The following TMEFF2 variants were observed in gnomAD, a reference collection of about 807,000 sequenced individuals.
The protein encoded by TMEFF2 is transmembrane protein with EGF like and two follistatin like domains 2.
Under a neutral mutation model 53.8 loss-of-function variants are expected in TMEFF2, and 28 were observed. The ratio of observed to expected loss-of-function variants is 0.52; its 90% CI spans 0.39 to 0.71. The LOEUF (loss-of-function observed/expected upper bound fraction) is 0.71. Ranked by LOEUF, TMEFF2 falls within the 30% of genes least tolerant of loss-of-function variation. The pLI, the probability that TMEFF2 is intolerant of heterozygous loss-of-function variation, is 0.00. For missense variants in TMEFF2, 353 were observed against 455.2 expected (o/e 0.78, Z 2.04); for synonymous variants, 162 against 166.3 (o/e 0.97, Z 0.20).
rs748408514 is a variant in TMEFF2 at position 192,194,313 on chromosome 2, TG to T, written c.172+39del. On this transcript the variant is annotated intron_variant, in intron 1 of 9. Coordinates refer to ENST00000272771, the MANE Select transcript of TMEFF2 (RefSeq NM_016192.4). This position sits in a 1 kb window ranked among gnomAD's most constrained non-coding sequence, Gnocchi z 4.2. ...TCTGTGCTGGATACGCGTGTTCTTC[TG>T]CGGAGTTAAAGGGTCGGGGACGGGG... 1 of 1,608,762 alleles carries T rather than the reference TG, an allele frequency of 6.2e-7. No individual in the cohort carries two copies. The highest frequency in any genetic ancestry group is 8.5e-7 in the Non-Finnish European group (1 of 1,176,450).
intron 4 of TMEFF2, among the ~76,000 whole-genome samples, chr2:192,096,630 T>C (rs576495361): frequency 1.6e-4 from 24 of 146,370 alleles, no homozygotes; most frequent in Non-Finnish European, 3.3e-4. Context: ...TATTTCTTTT[T>C]TTCTTTTCTT....
intron 4 of TMEFF2, among the ~76,000 whole-genome samples, chr2:192,084,326 A>G (rs1293759724): frequency 6.6e-6 from 1 of 152,214 alleles, no homozygotes; most frequent in Non-Finnish European, 1.5e-5. Context: ...TCTGTTCCAC[A>G]GCAAAATTAT....
chr2:192,133,672 T>C (rs905204578), intron 4 of TMEFF2, among the ~76,000 whole-genome samples: 6 of 152,222 alleles, frequency 3.9e-5, no homozygotes, highest in African/African-American at 1.4e-4. Context: ...TCAAACGTGC[T>C]TTCTTTACTA....
intron 5 of TMEFF2, among the ~76,000 whole-genome samples, chr2:192,026,975 A>C (rs1686984874): frequency 6.6e-6 from 1 of 152,236 alleles, no homozygotes; most frequent in Admixed American, 6.5e-5. Context: ...TAAAAATATA[A>C]ATGCCAATGG....
At chr2:192,073,034 G>T (rs1336932824) in intron 4 of TMEFF2, among the ~76,000 whole-genome samples, 2 of 151,904 alleles carry the variant, frequency 1.3e-5, no homozygotes, top group African/African-American at 4.8e-5. Flanking sequence ...CAAAGAGAAA[G>T]GTTGTTAACC....
At chr2:192,040,269 G>A (rs931385589) in intron 5 of TMEFF2, among the ~76,000 whole-genome samples, 2 of 151,920 alleles carry the variant, frequency 1.3e-5, no homozygotes, top group Non-Finnish European at 2.9e-5. Context: ...CTTAGCCTTG[G>A]TTTTCCTTTA....
At chr2:192,059,701 G>A (rs1033068432) in intron 4 of TMEFF2, among the ~76,000 whole-genome samples, 1 of 152,076 alleles carries the variant, frequency 6.6e-6, no homozygotes, top group Non-Finnish European at 1.5e-5. Flanking sequence ...ATCTCAGCAG[G>A]ACTAATAATA....
Position 192,052,478 on chromosome 2 carries a change from T to C in TMEFF2, c.536+5201A>G, listed in dbSNP as rs1016647037. On this transcript the variant is annotated intron_variant, in intron 5 of 9. Coordinates refer to ENST00000272771, the MANE Select transcript of TMEFF2 (RefSeq NM_016192.4). ...CTGACCTACTTTGGACTTACTGAGA[T>C]AATTTATCAGGTAAGATAATTAAGG... is the stretch of plus-strand genomic sequence containing the variant. 4.6e-5 allele frequency among the ~76,000 whole-genome samples: 7 copies of C among 152,242 alleles called. No individual in the cohort carries two copies. The East Asian group carries it at 1.3e-3, about 29-fold the overall frequency.
At chr2:192,068,561 C>T (rs1175553561) in intron 4 of TMEFF2, among the ~76,000 whole-genome samples, 3 of 151,726 alleles carry the variant, frequency 2.0e-5, no homozygotes, top group Non-Finnish European at 2.9e-5. Context: ...AGAAATTGCC[C>T]GGAGCTCCAG....
intron 5 of TMEFF2, among the ~76,000 whole-genome samples, chr2:192,052,358 C>T (rs1687792674): frequency 6.6e-6 from 1 of 152,164 alleles, no homozygotes; most frequent in South Asian, 2.1e-4. Context: ...CAAGTATCAA[C>T]CCCCGGGCTC....
At chr2:192,106,933 T>C (rs1310109855) in intron 4 of TMEFF2, among the ~76,000 whole-genome samples, 1 of 151,678 alleles carries the variant, frequency 6.6e-6, no homozygotes, top group Non-Finnish European at 1.5e-5. Flanking sequence ...GAAGAGTAAG[T>C]AGGACTTTTA....
At chr2:191,990,011 A>T (rs1243652680) in intron 7 of TMEFF2, among the ~76,000 whole-genome samples, 1 of 152,134 alleles carries the variant, frequency 6.6e-6, no homozygotes, top group Non-Finnish European at 1.5e-5. Context: ...TCAGAGGTGG[A>T]GTACTGTCCT....
At chr2:192,064,376 A>T (rs1325118260) in intron 4 of TMEFF2, among the ~76,000 whole-genome samples, 1 of 151,720 alleles carries the variant, frequency 6.6e-6, no homozygotes, top group African/African-American at 2.4e-5. Flanking sequence ...TGTCCTTTTA[A>T]AACATTATTT....
chr2:192,166,283 C>A (rs748574786), intron 4 of TMEFF2, among the ~76,000 whole-genome samples: 1 of 152,142 alleles, frequency 6.6e-6, no homozygotes, highest in Non-Finnish European at 1.5e-5. Context: ...ACAGAGAGGG[C>A]TCAGAAGAGA....
At chr2:192,001,203 C>A (rs1035871357) in intron 5 of TMEFF2, among the ~76,000 whole-genome samples, 1 of 152,104 alleles carries the variant, frequency 6.6e-6, no homozygotes, top group Non-Finnish European at 1.5e-5. Flanking sequence ...CCTTCAAGGT[C>A]TTCTATAAAG....
intron 7 of TMEFF2, among the ~76,000 whole-genome samples, chr2:191,972,548 G>A (rs1282009708): frequency 1.3e-5 from 2 of 151,840 alleles, no homozygotes; most frequent in African/African-American, 4.8e-5. Context: ...GGGACACAGA[G>A]GAAGCAGGGA....
chr2:192,131,460 A>T (rs1476211847), intron 4 of TMEFF2, among the ~76,000 whole-genome samples: 2 of 151,672 alleles, frequency 1.3e-5, no homozygotes, highest in Non-Finnish European at 2.9e-5. Flanking sequence ...CTTCACCCTT[A>T]GTGGCAAGTC....
intron 4 of TMEFF2, among the ~76,000 whole-genome samples, chr2:192,111,841 TA>T (rs1689284881): frequency 6.6e-6 from 1 of 152,168 alleles, no homozygotes; most frequent in African/African-American, 2.4e-5. Context: ...TAGCCATGGC[TA>T]AAAGGGGCCA....
intron 2 of TMEFF2, among the ~76,000 whole-genome samples, chr2:192,187,347 A>T (rs1192537031): frequency 6.6e-6 from 1 of 152,216 alleles, no homozygotes; most frequent in African/African-American, 2.4e-5. Context: ...ATACAAAGAC[A>T]TGTAAATTAT....
Sources: gnomAD v4.1 joint callset for allele counts (sites outside exome capture counted in the v4.1 genomes callset) on GRCh38, gnomAD v4.1.1 for gene constraint, Gnocchi (gnomAD v3.1) non-coding constraint, MANE v1.5 for transcripts, NCBI Gene and HGNC (gene_info 2026-07-23, HGNC 2026-07-21) for gene names.